The following PRKG1 variants were observed in gnomAD, a reference collection of about 807,000 sequenced individuals.
The protein encoded by PRKG1 is cGMP-dependent protein kinase 1.
In PRKG1, 35 loss-of-function variants were observed where a neutral mutation model predicts 88.1. That is an observed-to-expected ratio of 0.40 (90% CI 0.30 to 0.53). The LOEUF is 0.53. Ranked by LOEUF, PRKG1 falls within the 20% of genes least tolerant of loss-of-function variation. PRKG1 has a pLI of 0.59. For missense variants in PRKG1, 540 were observed against 839.8 expected (o/e 0.64, Z 4.41); for synonymous variants, 303 against 292.5 (o/e 1.04, Z -0.37).
intron 1 of PRKG1, among the ~76,000 whole-genome samples, chr10:51,002,023 T>TTTG (rs1842895056): frequency 9.5e-6 from 1 of 105,116 alleles, no homozygotes; most frequent in Non-Finnish European, 1.9e-5. Flanking sequence ...CTTCTCGATG[T>TTTG]TTGTCTTAAG....
chr10:51,255,413 G>C (rs1422089192), intron 2 of PRKG1, among the ~76,000 whole-genome samples: 1 of 152,120 alleles, frequency 6.6e-6, no homozygotes, highest in Non-Finnish European at 1.5e-5. Flanking sequence ...TTTGGGAGCA[G>C]ATAACAGAAA....
rs190434962 is a variant in PRKG1 at position 51,077,710 on chromosome 10, T to G, written c.311+2809T>G. 9.1e-4 allele frequency among the ~76,000 whole-genome samples: 139 copies of G among 152,268 alleles called. 1 individual carries two copies. Among genetic ancestry groups the G allele is most frequent in the African/African-American group, 3.2e-3 (133 of 41,550 alleles). ...GGACACTCCTGCTATAACTATGAGG[T>G]AGGAGGAGGGTTTTTATTGGTCTCT... On this transcript the variant is annotated intron_variant, in intron 1 of 17. Transcript: ENST00000373980.
At chr10:51,362,909 G>A (rs1442498590) in intron 2 of PRKG1, among the ~76,000 whole-genome samples, 2 of 151,868 alleles carry the variant, frequency 1.3e-5, no homozygotes, top group South Asian at 2.1e-4. Flanking sequence ...TTAGTTTGCT[G>A]AGCCTTCTTT....
intron 8 of PRKG1, among the ~76,000 whole-genome samples, chr10:52,153,470 A>G (rs996734989): frequency 1.3e-5 from 2 of 152,214 alleles, no homozygotes; most frequent in African/African-American, 4.8e-5. Flanking sequence ...TCTGACTGCA[A>G]TTGGTACACT....
intron 3 of PRKG1, among the ~76,000 whole-genome samples, chr10:51,664,575 C>G (rs1840377939): frequency 6.6e-6 from 1 of 152,126 alleles, no homozygotes; most frequent in African/African-American, 2.4e-5. Flanking sequence ...TGTTGAGTTG[C>G]TAGTCCAACC....
chr10:51,022,392 G>C (rs1310661410), intron 1 of PRKG1, among the ~76,000 whole-genome samples: 5 of 152,194 alleles, frequency 3.3e-5, no homozygotes, highest in Non-Finnish European at 5.9e-5. Flanking sequence ...CTGTTGCTCA[G>C]CCTTGTTCAG....
intron 1 of PRKG1, among the ~76,000 whole-genome samples, chr10:50,994,615 CAA>C (rs1280780888): frequency 8.6e-5 from 13 of 151,858 alleles, no homozygotes; most frequent in Non-Finnish European, 1.8e-4. Context: ...TGCGTTATTG[CAA>C]AGCTTGTGTT....
At chr10:51,758,202 C>T (rs1002812167) in intron 3 of PRKG1, among the ~76,000 whole-genome samples, 1 of 152,174 alleles carries the variant, frequency 6.6e-6, no homozygotes, top group Non-Finnish European at 1.5e-5. Context: ...CAGTCTATTA[C>T]TGCAGTTATT....
At chr10:51,352,259 ATT>A (rs35387341) in intron 2 of PRKG1, among the ~76,000 whole-genome samples, 1 of 149,872 alleles carries the variant, frequency 6.7e-6, no homozygotes, top group East Asian at 2.0e-4. Context: ...AATTTAAAGA[ATT>A]TTTTTTTTTC....
At chr10:51,584,099 G>A (rs753308722) in intron 3 of PRKG1, among the ~76,000 whole-genome samples, 2 of 151,958 alleles carry the variant, frequency 1.3e-5, no homozygotes, top group Non-Finnish European at 1.5e-5. Flanking sequence ...AGGTATTTTT[G>A]GAGAATTAAT....
Position 51,292,234 on chromosome 10 carries a change from T to A in PRKG1, c.478+138904T>A, listed in dbSNP as rs562564293. ...TGAGGGAACACTTCTGAATTCTAGCTGGCATTACTCTGGGTTTAACATCTT... is the reference window on the plus strand; with the variant it reads ...TGAGGGAACACTTCTGAATTCTAGCAGGCATTACTCTGGGTTTAACATCTT... On this transcript the variant is annotated intron_variant, in intron 2 of 17. Coordinates refer to ENST00000373980, the MANE Select transcript of PRKG1 (RefSeq NM_006258.4). Among the ~76,000 whole-genome samples, 4 of 152,308 alleles carry A rather than the reference T, an allele frequency of 2.6e-5. No individual in the cohort carries two copies. In the South Asian group the frequency reaches 8.3e-4, roughly 32 times the overall value.
chr10:51,357,482 A>C (rs542706969), intron 2 of PRKG1, among the ~76,000 whole-genome samples: 3 of 152,092 alleles, frequency 2.0e-5, no homozygotes, highest in African/African-American at 7.2e-5. Flanking sequence ...ATCTTTTGGC[A>C]GAATCTCTCT....
intron 3 of PRKG1, among the ~76,000 whole-genome samples, chr10:51,594,432 T>G (rs189703312): frequency 6.6e-6 from 1 of 152,336 alleles, no homozygotes; most frequent in African/African-American, 2.4e-5. Flanking sequence ...ATAAATGGTT[T>G]GTTGATATTA....
intron 2 of PRKG1, among the ~76,000 whole-genome samples, chr10:51,442,501 T>C (rs1330877457): frequency 1.3e-5 from 2 of 152,032 alleles, no homozygotes; most frequent in Non-Finnish European, 2.9e-5. Context: ...TCTGTTCTTA[T>C]ACAACAAATG....
intron 1 of PRKG1, among the ~76,000 whole-genome samples, chr10:51,105,287 T>C (rs10995655): frequency 0.22 from 33,640 of 152,242 alleles, 3,864 homozygotes; most frequent in Admixed American, 0.27. Context: ...AGGATATGTA[T>C]AATGTGACAC....
chr10:51,537,590 G>A (rs1179054825), intron 3 of PRKG1, among the ~76,000 whole-genome samples: 1 of 151,976 alleles, frequency 6.6e-6, no homozygotes, highest in South Asian at 2.1e-4. Context: ...TTAGCTAGGC[G>A]TGGTGGCATG....
At chr10:52,275,496 T>C (rs773270145) in intron 12 of PRKG1, among the ~76,000 whole-genome samples, 52 of 152,244 alleles carry the variant, frequency 3.4e-4, no homozygotes, top group Non-Finnish European at 6.6e-4. Flanking sequence ...GCTGTAAGTA[T>C]TTGGGTTCAT....
intron 1 of PRKG1, among the ~76,000 whole-genome samples, chr10:51,107,271 C>T (rs1170998667): frequency 1.3e-5 from 2 of 152,114 alleles, no homozygotes; most frequent in African/African-American, 4.8e-5. Context: ...CATCAGCTCT[C>T]GTGAGGCTAG....
chr10:51,848,668 T>TG (rs1840467636), intron 4 of PRKG1, among the ~76,000 whole-genome samples: 2 of 148,346 alleles, frequency 1.3e-5, no homozygotes, highest in African/African-American at 5.0e-5. Flanking sequence ...TGTGTGTGTG[T>TG]TTTATATTTT....
Sources: allele counts gnomAD v4.1 joint callset (sites outside exome capture counted in the v4.1 genomes callset), GRCh38; gene constraint gnomAD v4.1.1; transcripts MANE v1.5; gene names NCBI Gene and HGNC (gene_info 2026-07-23, HGNC 2026-07-21).